HCN1: variants seen among roughly 807,000 people sequenced by gnomAD.
The protein encoded by HCN1 is potassium/sodium hyperpolarization-activated cyclic nucleotide-gated channel 1.
A neutral mutation model predicts 78.9 loss-of-function variants in HCN1; 13 were observed. That is an observed-to-expected ratio of 0.16 (90% CI 0.11 to 0.26). The LOEUF is 0.26. HCN1 is among the 10% of genes least tolerant of loss of function. The pLI is 1.00. For synonymous variants in HCN1, 552 were observed against 455.5 expected (o/e 1.21, Z -2.70); for missense variants, 810 against 1,154.3 (o/e 0.70, Z 4.32).
intron 2 of HCN1, among the ~76,000 whole-genome samples, chr5:45,583,232 C>A (rs1175258350): frequency 6.6e-6 from 1 of 152,142 alleles, no homozygotes; most frequent in African/African-American, 2.4e-5. Flanking sequence ...AGAGATTCAA[C>A]TTCTTACTGG....
intron 6 of HCN1, among the ~76,000 whole-genome samples, chr5:45,274,335 G>T (rs1294736296): frequency 1.3e-5 from 2 of 152,084 alleles, no homozygotes; most frequent in Non-Finnish European, 2.9e-5. Flanking sequence ...TTAGCTCCAA[G>T]TTCAATCAAA....
At chr5:45,568,590 T>C (rs1033127441) in intron 2 of HCN1, among the ~76,000 whole-genome samples, 4 of 152,074 alleles carry the variant, frequency 2.6e-5, no homozygotes, top group African/African-American at 9.7e-5. Flanking sequence ...TCATTAAATG[T>C]TAATGACTGT....
At chr5:45,677,343 T>C (rs1739584230) in intron 1 of HCN1, among the ~76,000 whole-genome samples, 2 of 151,788 alleles carry the variant, frequency 1.3e-5, no homozygotes, top group Admixed American at 6.6e-5. Context: ...AGAACCTGTA[T>C]TGAAGCAAAT....
intron 2 of HCN1, among the ~76,000 whole-genome samples, chr5:45,583,782 T>C (rs1579982923): frequency 6.6e-6 from 1 of 152,322 alleles, no homozygotes; most frequent in East Asian, 1.9e-4. Context: ...TTTCATTATG[T>C]ACCCAGCAGT....
At chr5:45,522,971 T>G (rs1035867803) in intron 2 of HCN1, among the ~76,000 whole-genome samples, 3 of 152,070 alleles carry the variant, frequency 2.0e-5, no homozygotes, top group Admixed American at 1.3e-4. Flanking sequence ...ACTCGTCATT[T>G]AGCATTAGGT....
chr5:45,599,489 G>GT (rs990998683), intron 2 of HCN1, among the ~76,000 whole-genome samples: 1 of 151,702 alleles, frequency 6.6e-6, no homozygotes, highest in African/African-American at 2.4e-5. Flanking sequence ...GCAAACCCAT[G>GT]TAACAAACCT....
At chr5:45,459,717 A>ATTTTTCTG (rs1180020565) in intron 3 of HCN1, among the ~76,000 whole-genome samples, 1 of 152,058 alleles carries the variant, frequency 6.6e-6, no homozygotes, top group Non-Finnish European at 1.5e-5. Context: ...GACAATTGGT[A>ATTTTTCTG]TTTTTCTGAA....
intron 2 of HCN1, among the ~76,000 whole-genome samples, chr5:45,562,806 T>C (rs1191388701): frequency 6.6e-6 from 1 of 152,210 alleles, no homozygotes; most frequent in Non-Finnish European, 1.5e-5. Flanking sequence ...GAATAGATGA[T>C]ACTTCATGTA....
At chr5:45,512,589 T>C (rs898457190) in intron 2 of HCN1, among the ~76,000 whole-genome samples, 2 of 152,092 alleles carry the variant, frequency 1.3e-5, no homozygotes, top group Non-Finnish European at 2.9e-5. Context: ...TCCTGCCCCA[T>C]GAATATTTTT....
At chr5:45,346,773 A>G (rs376438716) in intron 5 of HCN1, among the ~76,000 whole-genome samples, 4 of 152,188 alleles carry the variant, frequency 2.6e-5, no homozygotes, top group African/African-American at 9.6e-5. Flanking sequence ...TAGCACAGCA[A>G]TCTGAGATCA....
intron 4 of HCN1, among the ~76,000 whole-genome samples, chr5:45,375,834 CTT>C (rs1302601810): frequency 8.9e-6 from 1 of 112,904 alleles, no homozygotes; most frequent in South Asian, 2.6e-4. Context: ...TATGATATAT[CTT>C]ATATATAATA....
At chr5:45,539,997 T>C (rs200585267) in intron 2 of HCN1, among the ~76,000 whole-genome samples, 1 of 147,896 alleles carries the variant, frequency 6.8e-6, no homozygotes, top group Non-Finnish European at 1.5e-5. Context: ...CTTAGTTTAC[T>C]TAATCAATCT....
chr5:45,522,813 A>G (rs2111783055), intron 2 of HCN1, among the ~76,000 whole-genome samples: 1 of 151,954 alleles, frequency 6.6e-6, no homozygotes. Flanking sequence ...TCATTTATTT[A>G]CATATTGTCC....
At chr5:45,573,453 G>T (rs900976515) in intron 2 of HCN1, among the ~76,000 whole-genome samples, 1 of 147,896 alleles carries the variant, frequency 6.8e-6, no homozygotes, top group South Asian at 2.2e-4. Flanking sequence ...TCCTGAGGAG[G>T]GTTTTCCAAT....
chr5:45,611,536 T>C (rs1344462053), intron 2 of HCN1, among the ~76,000 whole-genome samples: 1 of 151,934 alleles, frequency 6.6e-6, no homozygotes, highest in Non-Finnish European at 1.5e-5. Flanking sequence ...TCTCCCAAAG[T>C]TCTGGGATTA....
intron 4 of HCN1, among the ~76,000 whole-genome samples, chr5:45,391,333 C>T (rs541980067): frequency 6.6e-6 from 1 of 152,150 alleles, no homozygotes; most frequent in East Asian, 1.9e-4. Context: ...CTTCAAAGTC[C>T]CTCTGCTCTT....
chr5:45,345,946 A>G (rs1454353198), intron 5 of HCN1, among the ~76,000 whole-genome samples: 1 of 152,242 alleles, frequency 6.6e-6, no homozygotes, highest in Non-Finnish European at 1.5e-5. Context: ...AGTTATTCAT[A>G]AAGGAAAGAG....
intron 2 of HCN1, among the ~76,000 whole-genome samples, chr5:45,523,250 G>A (rs946367457): frequency 1.3e-5 from 2 of 151,838 alleles, no homozygotes; most frequent in Non-Finnish European, 2.9e-5. Context: ...TCTTAATCCA[G>A]TATATCATTG....
At chr5:45,321,856 G>C (rs911245854) in intron 5 of HCN1, among the ~76,000 whole-genome samples, 1 of 151,792 alleles carries the variant, frequency 6.6e-6, no homozygotes, top group African/African-American at 2.4e-5. Context: ...TTTAATGATG[G>C]TCAAATATTT....
Sources: allele counts gnomAD v4.1 joint callset (sites outside exome capture counted in the v4.1 genomes callset), GRCh38; gene constraint gnomAD v4.1.1; transcripts MANE v1.5; gene names NCBI Gene and HGNC (gene_info 2026-07-23, HGNC 2026-07-21).